ADCYAP1: variants seen among roughly 807,000 people sequenced by gnomAD.
ADCYAP1 encodes pituitary adenylate cyclase-activating polypeptide.
In ADCYAP1, 6 loss-of-function variants were observed where a neutral mutation model predicts 18.5. That is an observed-to-expected ratio of 0.32 (90% confidence interval 0.18 to 0.64). The LOEUF is 0.64. Ranked by LOEUF, ADCYAP1 falls within the 30% of genes least tolerant of loss-of-function variation. The pLI is 0.77. For synonymous variants in ADCYAP1, 136 were observed against 113.9 expected (o/e 1.19, Z -1.24); for missense variants, 314 against 253.6 (o/e 1.24, Z -1.62).
chr18:905,197 T>C, intron 1 of ADCYAP1, 137 bp downstream of exon 1: 1 of 1,426,364 alleles, frequency 7.0e-7, no homozygotes, highest in East Asian at 2.5e-5. Context: ...TGCATATATA[T>C]ATATTTTTTT....
chr18:912,026 T>C lies in ADCYAP1; in HGVS notation c.*2391T>C. 1 of 152,252 alleles carries C rather than the reference T, an allele frequency of 6.6e-6. No homozygotes were observed. Among genetic ancestry groups the C allele is most frequent in the East Asian group, 1.9e-4 (1 of 5,200 alleles). 9.4% of individuals were successfully genotyped at this position (152,252 alleles called of 1,614,324 possible). A position where few individuals can be genotyped will look rare whatever the true frequency, so the allele number is the denominator to read the frequency against. ...TAGTGATAATTTAGGTAGATGTTAG[T>C]CTTGAAGCTCTTATTTTGTGTGCAA... On this transcript the variant is annotated 3_prime_UTR_variant, in exon 5 of 5. Transcript: ENST00000450565.
At chr18:906,788 G>C (rs956480317) in intron 2 of ADCYAP1, 11 of 152,286 alleles carry the variant, frequency 7.2e-5, no homozygotes, top group African/African-American at 2.7e-4. Context: ...TACCCGTCCT[G>C]TGTCAAGAAC....
At chr18:908,395 C>T (rs1333366381) in intron 4 of ADCYAP1, 32 bp downstream of exon 4, 4 of 1,586,890 alleles carry the variant, frequency 2.5e-6, no homozygotes, top group African/African-American at 1.4e-5. Flanking sequence ...AACCTGCGCG[C>T]GCCGGGGTGG....
chr18:908,184 G>A, intron 3 of ADCYAP1, 81 bp from the exon 4 acceptor site: 2 of 1,290,546 alleles, frequency 1.5e-6, no homozygotes, highest in South Asian at 1.4e-5. Context: ...CCGAGGGGGC[G>A]CGCGCCCAAC....
chr18:911,818 T>A lies in ADCYAP1; in HGVS notation c.*2183T>A, dbSNP rs968799037. On this transcript the variant is annotated 3_prime_UTR_variant, in exon 5 of 5. Transcript: ENST00000450565. ...TTTGTTTCTTGGATAATGGGCAGAGTTTTCTGTATTTGTATCAGCTGTTAG... is the reference window on the plus strand; with the variant it reads ...TTTGTTTCTTGGATAATGGGCAGAGATTTCTGTATTTGTATCAGCTGTTAG... 2 of 152,160 alleles carry A rather than the reference T, an allele frequency of 1.3e-5. No homozygotes were observed. The highest frequency in any genetic ancestry group is 4.8e-5 in the African/African-American group (2 of 41,446). 9.4% of individuals were successfully genotyped at this position (152,160 alleles called of 1,614,324 possible). A position where few individuals can be genotyped will look rare whatever the true frequency, so the allele number is the denominator to read the frequency against.
At position 910,561 on chromosome 18, in the gene ADCYAP1, G is replaced by A. The variant is rs958314788; in HGVS notation, c.*926G>A. Reference sequence around the variant, plus strand: ...GGAAGAGGCAGAGCCTGAGGTGGTAGGAGGAGGACCCTGGAAATGGACTGG... The same window carrying A: ...GGAAGAGGCAGAGCCTGAGGTGGTAAGAGGAGGACCCTGGAAATGGACTGG... On this transcript the variant is annotated 3_prime_UTR_variant, in exon 5 of 5. Coordinates refer to ENST00000450565, the MANE Select transcript of ADCYAP1 (RefSeq NM_001099733.2). The A allele has an allele frequency of 2.0e-5, 3 of 152,288 alleles. No individual in the cohort carries two copies. The highest frequency in any genetic ancestry group is 4.4e-5 in the Non-Finnish European group (3 of 68,086). The allele number at this position is 152,288 out of a possible 1,614,324, so 9.4% of individuals were successfully genotyped here. A position where few individuals can be genotyped will look rare whatever the true frequency, so the allele number is the denominator to read the frequency against.
chr18:909,647 C>T lies in ADCYAP1; in HGVS notation c.*12C>T. The stretch of plus-strand genomic sequence containing the variant: ...TAGCTTATTTGTAGCGATGGGTTAC[C>T]AGCTACCCTGTGTATACAGCCCTGA... On this transcript the variant is annotated 3_prime_UTR_variant, in exon 5 of 5. Coordinates refer to ENST00000450565, the MANE Select transcript of ADCYAP1 (RefSeq NM_001099733.2). The T allele has an allele frequency of 2.5e-6, 4 of 1,611,656 alleles. No homozygotes were observed. The highest frequency in any genetic ancestry group is 3.4e-6 in the Non-Finnish European group (4 of 1,178,386).
At position 908,275 on chromosome 18, in the gene ADCYAP1, C is replaced by T. The variant is rs747132092; in HGVS notation, c.253C>T (p.His85Tyr). 6.2e-7 allele frequency: 1 copy of T among 1,612,220 alleles called. No homozygotes were observed. Among genetic ancestry groups the T allele is most frequent in the South Asian group, 1.1e-5 (1 of 90,738 alleles). ...TTGCCTCCCCGTTAGAGATGTCGCCCACGGGATCCTTAACGAGGCCTACCG... is the reference window on the plus strand; with the variant it reads ...TTGCCTCCCCGTTAGAGATGTCGCCTACGGGATCCTTAACGAGGCCTACCG... ...YRPAGRRDVA[H>Y]GILNEAYRKV... The change falls in exon 4 of 5, where the codon CAC (histidine) becomes TAC (tyrosine). Residue 85 changes from histidine to tyrosine, a missense_variant. Coordinates refer to ENST00000450565, the MANE Select transcript of ADCYAP1 (RefSeq NM_001099733.2).
At position 905,069 on chromosome 18, in the gene ADCYAP1, G is replaced by A. The variant is rs1341650262; in HGVS notation, c.-2+9G>A. On this transcript the variant is annotated intron_variant, in intron 1 of 4. Transcript: ENST00000450565. ...GCGGGAGGAGTTGAAGGGTAAGGGAGGGAAAATCTTACCAAAGCGACCGGC... is the reference window on the plus strand; with the variant it reads ...GCGGGAGGAGTTGAAGGGTAAGGGAAGGAAAATCTTACCAAAGCGACCGGC... 2.3e-6 allele frequency: 3 copies of A among 1,293,856 alleles called. No individual in the cohort carries two copies. Among genetic ancestry groups the A allele is most frequent in the African/African-American group, 1.5e-5 (1 of 66,254 alleles). 80.1% of individuals were successfully genotyped at this position (1,293,856 alleles called of 1,614,324 possible).
chr18:907,774 C>A lies in ADCYAP1; in HGVS notation c.226C>A (p.Arg76Ser), dbSNP rs1048409261. The change falls in exon 3 of 5, where the codon CGC becomes AGC. Residue 76 changes from arginine (R) to serine (S), a missense_variant. Physicochemically the swap from Arg to Ser is moderately radical, Grantham distance 110 (BLOSUM62 -1). Transcript: ENST00000450565. ...SAPRAAAAWYRPAGRRDVAHG... is the reference protein window; with the variant it reads ...SAPRAAAAWYSPAGRRDVAHG... ...GCCGCGCGCCGCCGCCGCCTGGTAC[C>A]GCCCGGCCGGGAGAAGGTGAGATTC... The A allele has an allele frequency of 2.1e-6, 3 of 1,449,944 alleles. No homozygotes were observed. The highest frequency in any genetic ancestry group is 2.7e-5 in the East Asian group (1 of 36,834). 89.8% of individuals were successfully genotyped at this position (1,449,944 alleles called of 1,614,324 possible). A position where few individuals can be genotyped will look rare whatever the true frequency, so the allele number is the denominator to read the frequency against.
chr18:907,998 A>AG (rs568560107), intron 3 of ADCYAP1: 11 of 990,782 alleles, frequency 1.1e-5, no homozygotes, highest in South Asian at 9.8e-5. Flanking sequence ...GTGGGGACCG[A>AG]GGGGGGCTGT....
chr18:906,909 G>A (rs1247196743), intron 2 of ADCYAP1, among the ~76,000 whole-genome samples: 1 of 152,230 alleles, frequency 6.6e-6, no homozygotes, highest in Admixed American at 6.5e-5. Flanking sequence ...AGATCAGCGC[G>A]AACTATTCGT....
At chr18:905,696 C>A (rs1377714784) in intron 2 of ADCYAP1, 200 bp downstream of exon 2, 5 of 653,982 alleles carry the variant, frequency 7.6e-6, no homozygotes, top group Non-Finnish European at 1.3e-5. Context: ...ACTGCTCGGA[C>A]GCCTCCCCCA....
Position 909,285 on chromosome 18 carries a change from C to T in ADCYAP1, c.342-161C>T, listed in dbSNP as rs553674979. ...TCGAGGGGCTGCCGTCTCGGCCCTC[C>T]CCACGGCTGCTTCCAGGCAGAGGCG... On this transcript the variant is annotated intron_variant, in intron 4 of 4. Transcript: ENST00000450565. Among the ~76,000 whole-genome samples the T allele has an allele frequency of 9.2e-5, 14 of 152,346 alleles. No individual in the cohort carries two copies. The East Asian group carries it at 2.7e-3, about 29-fold the overall frequency.
rs747367878 is a variant in ADCYAP1, at chr18:905,423, G to A, written c.37G>A (p.Val13Ile). Residue 13 changes from valine (V) to isoleucine (I), a missense_variant, in exon 2 of 5, where the codon GTC becomes ATC. Coordinates refer to ENST00000450565, the MANE Select transcript of ADCYAP1 (RefSeq NM_001099733.2). Reference protein sequence around the residue: ...MCSGARLALLVYGIIMHSSVY... With the variant: ...MCSGARLALLIYGIIMHSSVY... ...TAGCGGAGCGAGGCTGGCCCTGCTG[G>A]TCTATGGGATAATCATGCACAGCAG... The A allele has an allele frequency of 1.9e-6, 3 of 1,612,932 alleles. No individual in the cohort carries two copies. The East Asian group carries it at 6.7e-5, about 36-fold the overall frequency.
Position 907,756 on chromosome 18 carries a change from G to C in ADCYAP1, c.208G>C (p.Ala70Pro). 1 of 1,494,756 alleles carries C rather than the reference G, an allele frequency of 6.7e-7. No individual in the cohort carries two copies. The highest frequency in any genetic ancestry group is 8.8e-7 in the Non-Finnish European group (1 of 1,129,946). The allele number at this position is 1,494,756 out of a possible 1,614,324, so 92.6% of individuals were successfully genotyped here. The change falls in exon 3 of 5, where the codon GCC becomes CCC. Residue 70 changes from alanine (A) to proline (P), a missense_variant. By Grantham distance (27) the Ala-to-Pro change is conservative (BLOSUM62 -1). Coordinates refer to ENST00000450565, the MANE Select transcript of ADCYAP1 (RefSeq NM_001099733.2). ...AGGGAGCCCCGCCTCCGCGCCGCGCGCCGCCGCCGCCTGGTACCGCCCGGC... is the reference window on the plus strand; with the variant it reads ...AGGGAGCCCCGCCTCCGCGCCGCGCCCCGCCGCCGCCTGGTACCGCCCGGC... ...GAGSPASAPR[A>P]AAAWYRPAGR...
At position 910,939 on chromosome 18, in the gene ADCYAP1, TAGTA is replaced by T. The variant is rs1410601122; in HGVS notation, c.*1310_*1313del. 1.3e-5 allele frequency: 2 copies of T among 152,192 alleles called. No homozygotes were observed. Among genetic ancestry groups the T allele is most frequent in the East Asian group, 1.9e-4 (1 of 5,200 alleles). 9.4% of individuals were successfully genotyped at this position (152,192 alleles called of 1,614,324 possible). On this transcript the variant is annotated 3_prime_UTR_variant, in exon 5 of 5. Transcript: ENST00000450565. ...ATTTTAGAAACCCCTCTGTAGCCAC[TAGTA>T]AGTAATTATGCACTAAATATGAACC...
In ADCYAP1 at chr18:905,038, C is replaced by T. The variant is rs1467017974; in HGVS notation, c.-24C>T. On this transcript the variant is annotated 5_prime_UTR_variant, in exon 1 of 5. Coordinates refer to ENST00000450565, the MANE Select transcript of ADCYAP1 (RefSeq NM_001099733.2). ...CCCGCCGTCCTACCTGGCAGCTCTC[C>T]TGGCAGCGGGAGGAGTTGAAGGGTA... 3 of 1,295,810 alleles carry T rather than the reference C, an allele frequency of 2.3e-6. No homozygotes were observed. Among genetic ancestry groups the T allele is most frequent in the East Asian group, 5.1e-5 (1 of 19,526 alleles). The allele number at this position is 1,295,810 out of a possible 1,614,324, so 80.3% of individuals were successfully genotyped here. A position where few individuals can be genotyped will look rare whatever the true frequency, so the allele number is the denominator to read the frequency against.
chr18:904,618 C>T, upstream of ADCYAP1: 1 of 1,252,882 alleles, frequency 8.0e-7, no homozygotes, highest in Non-Finnish European at 1.0e-6. Context: ...CCGACCCTCG[C>T]GGCTGCCTGG....
Sources: gnomAD v4.1 joint callset for allele counts (sites outside exome capture counted in the v4.1 genomes callset) on GRCh38, gnomAD v4.1.1 for gene constraint, MANE v1.5 for transcripts, NCBI Gene and HGNC (gene_info 2026-07-23, HGNC 2026-07-21) for gene names.